AAK1: variants seen among roughly 807,000 people sequenced by gnomAD.
The protein encoded by AAK1 is AP2-associated protein kinase 1.
Under a neutral mutation model 116.0 loss-of-function variants are expected in AAK1, and 37 were observed. The observed-to-expected ratio is 0.32, with a 90% CI of 0.25 to 0.42. AAK1 has a LOEUF of 0.42. Ranked by LOEUF, AAK1 falls within the 10% of genes least tolerant of loss-of-function variation. The probability of loss-of-function intolerance (pLI) is 1.00; values close to 1 mark genes in which losing one functional copy is unlikely to be tolerated. For missense variants in AAK1, 919 were observed against 1,170.6 expected (o/e 0.79, Z 3.14); for synonymous variants, 458 against 439.9 (o/e 1.04, Z -0.51).
rs1195598912 is a variant in AAK1 at position 69,636,183 on chromosome 2, G to GC, written c.163+6694dup. ...TTAATCATCACAAAACAAACTAGAG[G>GC]CTTAAAAAGATTTCTACTAAAAAAA... On this transcript the variant is annotated intron_variant, in intron 2 of 21. Coordinates refer to ENST00000409085, the MANE Select transcript of AAK1 (RefSeq NM_014911.5). Among the ~76,000 whole-genome samples, 11 of 151,400 alleles carry GC rather than the reference G, an allele frequency of 7.3e-5. 1 individual carries two copies. The South Asian group carries it at 1.9e-3, about 26-fold the overall frequency.
chr2:69,465,422 C>T lies in AAK1; in HGVS notation c.*10447G>A. The T allele has an allele frequency of 1.6e-6, 2 of 1,283,002 alleles. No individual in the cohort carries two copies. The highest frequency in any genetic ancestry group is 1.0e-6 in the Non-Finnish European group (1 of 983,944). The allele number at this position is 1,283,002 out of a possible 1,614,324, so 79.5% of individuals were successfully genotyped here. ...CAAGAGGCTTGAGGCTCAGGTTTTG[C>T]TCCTAGGGTTTCTTGCCTGATTTTG... On this transcript the variant is annotated 3_prime_UTR_variant, in exon 22 of 22. Coordinates refer to ENST00000409085, the MANE Select transcript of AAK1 (RefSeq NM_014911.5).
intron 2 of AAK1, among the ~76,000 whole-genome samples, chr2:69,619,925 T>C (rs549876581): frequency 3.4e-4 from 52 of 152,288 alleles, no homozygotes; most frequent in African/African-American, 1.2e-3. Context: ...CATAGCACTT[T>C]CTAGGCCACA....
At chr2:69,504,429 T>C (rs369250462) in intron 16 of AAK1, among the ~76,000 whole-genome samples, 47 of 128,156 alleles carry the variant, frequency 3.7e-4, no homozygotes, top group African/African-American at 1.3e-3. Context: ...AAGATGCATA[T>C]CAGAGTCTCA....
At chr2:69,542,820 C>T (rs1427763957) in intron 4 of AAK1, among the ~76,000 whole-genome samples, 155 bp from the exon 5 acceptor site, 1 of 152,204 alleles carries the variant, frequency 6.6e-6, no homozygotes, top group East Asian at 1.9e-4. Context: ...GTTGTCTTGA[C>T]TCCCAGCTTG....
chr2:69,547,493 C>G (rs775134749), intron 3 of AAK1, among the ~76,000 whole-genome samples: 1 of 151,390 alleles, frequency 6.6e-6, no homozygotes, highest in Admixed American at 6.6e-5. Context: ...TACAAATGCC[C>G]GAAAGTATAT....
chr2:69,499,880 A>AT (rs1423528225), intron 16 of AAK1: 1 of 152,190 alleles, frequency 6.6e-6, no homozygotes, highest in Admixed American at 6.5e-5. Flanking sequence ...GGGTTATAAG[A>AT]TTTTATTTTC....
chr2:69,465,160 C>A lies in AAK1; in HGVS notation c.*10709G>T. The A allele has an allele frequency of 3.9e-6, 1 of 257,582 alleles. No individual in the cohort carries two copies. Among genetic ancestry groups the A allele is most frequent in the Non-Finnish European group, 7.6e-6 (1 of 131,898 alleles). The allele number at this position is 257,582 out of a possible 1,614,324, so 16.0% of individuals were successfully genotyped here. The stretch of plus-strand genomic sequence containing the variant: ...CAGAGTTCTTGGTGGAAGTGGATGA[C>A]CTCTGTGAAGGAGATGAAAATGCCT... On this transcript the variant is annotated 3_prime_UTR_variant, in exon 22 of 22. Coordinates refer to ENST00000409085, the MANE Select transcript of AAK1 (RefSeq NM_014911.5).
At chr2:69,609,693 A>C (rs955836570) in intron 2 of AAK1, among the ~76,000 whole-genome samples, 1 of 151,870 alleles carries the variant, frequency 6.6e-6, no homozygotes, top group African/African-American at 2.4e-5. Context: ...AAAAATAAGA[A>C]AATCCAACCT....
At chr2:69,572,238 G>A (rs76967508) in intron 2 of AAK1, among the ~76,000 whole-genome samples, 1,720 of 152,230 alleles carry the variant, frequency 0.011, 36 homozygotes, top group African/African-American at 0.039. Context: ...CTTGGTCTTG[G>A]GCTGCAGGGT....
intron 2 of AAK1, among the ~76,000 whole-genome samples, chr2:69,566,497 T>C (rs1359282772): frequency 6.6e-6 from 1 of 152,056 alleles, no homozygotes; most frequent in African/African-American, 2.4e-5. Flanking sequence ...ACTCAAGCTG[T>C]GGGCACAAAA....
In AAK1 at chr2:69,519,109, T is replaced by C. The variant is rs1486573867; in HGVS notation, c.1342A>G (p.Thr448Ala). 1.3e-6 allele frequency: 2 copies of C among 1,554,594 alleles called. No homozygotes were observed. The highest frequency in any genetic ancestry group is 2.7e-5 in the African/African-American group (2 of 73,250). Reference sequence around the variant, plus strand: ...TGAGCGGGCAGACCCTGGGCCTGAGTAGAAGGCGTCTGCTGTGGAGTGGGA... The same window carrying C: ...TGAGCGGGCAGACCCTGGGCCTGAGCAGAAGGCGTCTGCTGTGGAGTGGGA... ...APPTPQQTPS[T>A]QAQGLPAQAQ... Residue 448 changes from threonine to alanine, a missense_variant, in exon 12 of 22, where the codon ACT becomes GCT. Thr to Ala is a moderately conservative substitution (Grantham distance 58). Coordinates refer to ENST00000409085, the MANE Select transcript of AAK1 (RefSeq NM_014911.5).
At chr2:69,586,001 T>C (rs995239910) in intron 2 of AAK1, among the ~76,000 whole-genome samples, 7 of 152,104 alleles carry the variant, frequency 4.6e-5, no homozygotes, top group Admixed American at 2.0e-4. Flanking sequence ...CTCTGCCTGA[T>C]TGGTGCGGAG....
chr2:69,505,774 T>G (rs1676160636), intron 15 of AAK1, 101 bp from the exon 16 acceptor site: 5 of 777,606 alleles, frequency 6.4e-6, no homozygotes, highest in Non-Finnish European at 1.0e-5. Context: ...CTTCTGGACT[T>G]GACTACTTTT....
chr2:69,637,069 A>C (rs573769414), intron 2 of AAK1, among the ~76,000 whole-genome samples: 95 of 152,352 alleles, frequency 6.2e-4, no homozygotes, highest in African/African-American at 2.2e-3. Context: ...GCCCTGGGCC[A>C]CTAGTAGATT....
At position 69,466,383 on chromosome 2, in the gene AAK1, T is replaced by C. The variant is rs1471739560; in HGVS notation, c.*9486A>G. On this transcript the variant is annotated 3_prime_UTR_variant, in exon 22 of 22. Transcript: ENST00000409085. The stretch of plus-strand genomic sequence containing the variant: ...CTCTTCGCTGCTGTGGAATGAGCTG[T>C]TGCTTGAAGGGCCATCTCTGGCCAA... The C allele has an allele frequency of 7.8e-7, 1 of 1,289,838 alleles. No homozygotes were observed. The highest frequency in any genetic ancestry group is 5.6e-5 in the East Asian group (1 of 18,018). 79.9% of individuals were successfully genotyped at this position (1,289,838 alleles called of 1,614,324 possible). A position where few individuals can be genotyped will look rare whatever the true frequency, so the allele number is the denominator to read the frequency against.
At chr2:69,599,996 G>C (rs899752746) in intron 2 of AAK1, among the ~76,000 whole-genome samples, 58 of 148,516 alleles carry the variant, frequency 3.9e-4, no homozygotes, top group African/African-American at 1.4e-3. Context: ...TGTCCAGGCT[G>C]GTCTTGAACT....
At position 69,473,223 on chromosome 2, in the gene AAK1, TC is replaced by T; in HGVS notation, c.*2645del. 1.1e-6 allele frequency: 1 copy of T among 899,088 alleles called. No homozygotes were observed. Among genetic ancestry groups the T allele is most frequent in the East Asian group, 1.2e-4 (1 of 8,362 alleles). The allele number at this position is 899,088 out of a possible 1,614,324, so 55.7% of individuals were successfully genotyped here. On this transcript the variant is annotated 3_prime_UTR_variant, in exon 22 of 22. Transcript: ENST00000409085. ...TGGCCTGTCCTGCCCAGGCCTCTTC[TC>T]CCCCGACCCTGTTCAATCCAGCTCA... is the stretch of plus-strand genomic sequence containing the variant.
In AAK1 at chr2:69,474,236, A is replaced by G; in HGVS notation, c.*1633T>C. The G allele has an allele frequency of 1.0e-6, 1 of 985,890 alleles. No homozygotes were observed. Among genetic ancestry groups the G allele is most frequent in the Non-Finnish European group, 1.2e-6 (1 of 829,944 alleles). The allele number at this position is 985,890 out of a possible 1,614,324, so 61.1% of individuals were successfully genotyped here. A position where few individuals can be genotyped will look rare whatever the true frequency, so the allele number is the denominator to read the frequency against. On this transcript the variant is annotated 3_prime_UTR_variant, in exon 22 of 22. Coordinates refer to ENST00000409085, the MANE Select transcript of AAK1 (RefSeq NM_014911.5). ...GAGGAAGAAGAAACAAAAGTACTAG[A>G]TAGCAAAACAAGCAAATGGACTTGG...
chr2:69,642,771 G>C, intron 2 of AAK1, 107 bp downstream of exon 2: 2 of 1,455,368 alleles, frequency 1.4e-6, no homozygotes, highest in Non-Finnish European at 1.9e-6. Context: ...AAGGGGGAAG[G>C]GAGGGTCAAC....
Sources: gnomAD v4.1 joint callset for allele counts (sites outside exome capture counted in the v4.1 genomes callset) on GRCh38, gnomAD v4.1.1 for gene constraint, MANE v1.5 for transcripts, NCBI Gene and HGNC (gene_info 2026-07-23, HGNC 2026-07-21) for gene names.